Variants in TOGARAM1 observed in about 807,000 individuals in gnomAD.
TOGARAM1 encodes the protein TOG array regulator of axonemal microtubules protein 1.
TOGARAM1 carries 100 observed loss-of-function variants against 166.6 expected under a neutral mutation model. The ratio of observed to expected loss-of-function variants is 0.60; its 90% CI spans 0.51 to 0.71. The LOEUF is 0.71. Ranked by LOEUF, TOGARAM1 falls within the 30% of genes least tolerant of loss-of-function variation. TOGARAM1 has a pLI of 0.00. For synonymous variants in TOGARAM1, 758 were observed against 763.8 expected (o/e 0.99, Z 0.13); for missense variants, 2,029 against 2,102.7 (o/e 0.96, Z 0.69).
Position 45,004,076 on chromosome 14 carries a change from A to T in TOGARAM1, c.2354A>T (p.Asn785Ile). ...TTTATTACAGTGTATGCTAGCCTCA[A>T]TTTTGGCAGTAAGACACAGCAAACA... ...SHQEKVYASL[N>I]FGSKTQQTFG... The change falls in exon 4 of 20, where the codon AAT (asparagine) becomes ATT (isoleucine). Residue 785 changes from asparagine to isoleucine, a missense_variant. Physicochemically the swap from Asn to Ile is moderately radical, Grantham distance 149 (BLOSUM62 -3). Transcript: ENST00000361462. 1 of 1,614,010 alleles carries T rather than the reference A, an allele frequency of 6.2e-7. No individual in the cohort carries two copies. The highest frequency in any genetic ancestry group is 8.5e-7 in the Non-Finnish European group (1 of 1,179,942).
chr14:44,962,429 C>T lies in TOGARAM1; in HGVS notation c.8C>T (p.Ala3Val), dbSNP rs1885198804. The change falls in exon 1 of 20, where the codon GCT (alanine) becomes GTT (valine). Residue 3 changes from alanine to valine, a missense_variant. By Grantham distance (64) the Ala-to-Val change is moderately conservative. Coordinates refer to ENST00000361462, the MANE Select transcript of TOGARAM1 (RefSeq NM_001308120.2). ...ACCACCTGACAACCCTGCATGGCGG[C>T]TGCCCCCTCCGCGCTGCTTCTGCTG... The part of the protein sequence containing the change: MA[A>V]APSALLLLPP... 6.4e-7 allele frequency: 1 copy of T among 1,559,670 alleles called. No individual in the cohort carries two copies. Among genetic ancestry groups the T allele is most frequent in the East Asian group, 2.2e-5 (1 of 44,478 alleles).
chr14:45,062,986 C>T (rs190010708), intron 16 of TOGARAM1, among the ~76,000 whole-genome samples: 64 of 152,236 alleles, frequency 4.2e-4, no homozygotes, highest in Non-Finnish European at 8.8e-4. Context: ...TTCCCTTCCC[C>T]AGCCCTAGGC....
intron 1 of TOGARAM1, among the ~76,000 whole-genome samples, chr14:44,987,694 T>G (rs1420053282): frequency 6.7e-6 from 1 of 150,206 alleles, no homozygotes; most frequent in Non-Finnish European, 1.5e-5. Context: ...GAAGTCAGTG[T>G]GGCGATTCCT....
intron 11 of TOGARAM1, among the ~76,000 whole-genome samples, chr14:45,039,942 TC>T (rs1316201041): frequency 6.6e-6 from 1 of 152,092 alleles, no homozygotes; most frequent in African/African-American, 2.4e-5. Context: ...CAGCAGCCAC[TC>T]CAGAGGGGCT....
chr14:44,962,459 C>G lies in TOGARAM1; in HGVS notation c.38C>G (p.Pro13Arg). ...AAPSALLLLP[P>R]FPVLSTYRLQ... is the part of the protein sequence containing the mutation. ...CCCTCCGCGCTGCTTCTGCTGCCGC[C>G]CTTTCCAGTCCTCTCTACCTATCGG... The change falls in exon 1 of 20, where the codon CCC becomes CGC. Residue 13 changes from proline to arginine, a missense_variant. Coordinates refer to ENST00000361462, the MANE Select transcript of TOGARAM1 (RefSeq NM_001308120.2). 1 of 1,588,460 alleles carries G rather than the reference C, an allele frequency of 6.3e-7. No homozygotes were observed. Among genetic ancestry groups the G allele is most frequent in the Non-Finnish European group, 8.6e-7 (1 of 1,167,596 alleles).
intron 10 of TOGARAM1, 124 bp downstream of exon 10, chr14:45,028,453 C>A: frequency 1.0e-6 from 1 of 975,238 alleles, no homozygotes; most frequent in Non-Finnish European, 1.5e-6. Context: ...CCGAAATTTG[C>A]AAGTTCTGCC....
chr14:45,038,116 G>A (rs946652240), intron 11 of TOGARAM1, among the ~76,000 whole-genome samples: 1 of 152,082 alleles, frequency 6.6e-6, no homozygotes, highest in African/African-American at 2.4e-5. Flanking sequence ...TATGTTACTC[G>A]GGCTGGTTTC....
In TOGARAM1 at chr14:44,964,186, TATGCAGTACTG is replaced by T. The variant is rs1885386002; in HGVS notation, c.1770_1780del (p.Val591IlefsTer6). 6.2e-7 allele frequency: 1 copy of T among 1,614,194 alleles called. No homozygotes were observed. The highest frequency in any genetic ancestry group is 8.5e-7 in the Non-Finnish European group (1 of 1,180,034). On this transcript the variant is annotated frameshift_variant, in exon 1 of 20. Transcript: ENST00000361462. LOFTEE classifies it high-confidence loss of function. The stretch of plus-strand genomic sequence containing the variant: ...GCTCACAGAGCAGGGATTTGTGGAA[TATGCAGTACTG>T]ATGCCATCTTCTGCCGGGGGTAGGT...
intron 10 of TOGARAM1, among the ~76,000 whole-genome samples, chr14:45,031,038 T>G (rs988260604): frequency 6.6e-6 from 1 of 152,180 alleles, no homozygotes; most frequent in Admixed American, 6.5e-5. Flanking sequence ...AACACCTTGT[T>G]GCCTTTGGAT....
intron 1 of TOGARAM1, among the ~76,000 whole-genome samples, chr14:44,994,443 G>C (rs1434164872): frequency 6.6e-6 from 1 of 152,040 alleles, no homozygotes; most frequent in African/African-American, 2.4e-5. Flanking sequence ...TTTTGAGACA[G>C]GGTCTCAGTC....
chr14:45,013,153 T>G (rs1168953504), intron 7 of TOGARAM1, among the ~76,000 whole-genome samples: 1 of 152,218 alleles, frequency 6.6e-6, no homozygotes, highest in Non-Finnish European at 1.5e-5. Flanking sequence ...CAAATGCACA[T>G]ACTGTTTTTT....
chr14:45,042,148 C>T (rs1240880447), intron 11 of TOGARAM1: 2 of 152,360 alleles, frequency 1.3e-5, no homozygotes, highest in East Asian at 3.9e-4. Context: ...CCCTCTAGTT[C>T]ATGCCGTAAT....
intron 7 of TOGARAM1, among the ~76,000 whole-genome samples, chr14:45,015,409 T>C (rs945597892): frequency 4.6e-5 from 7 of 151,416 alleles, no homozygotes; most frequent in African/African-American, 1.7e-4. Flanking sequence ...TGGAAGTATA[T>C]ATAAAAATGG....
At chr14:45,013,754 T>A (rs1332354077) in intron 7 of TOGARAM1, among the ~76,000 whole-genome samples, 1 of 152,138 alleles carries the variant, frequency 6.6e-6, no homozygotes. Flanking sequence ...AACTTATCCT[T>A]AATCCTTTTT....
At chr14:45,039,495 G>C (rs1201568171) in intron 11 of TOGARAM1, among the ~76,000 whole-genome samples, 1 of 152,076 alleles carries the variant, frequency 6.6e-6, no homozygotes, top group Admixed American at 6.5e-5. Flanking sequence ...TGTGCTGAGG[G>C]GTGCCTGCAG....
At chr14:45,031,209 T>C (rs1881136653) in intron 10 of TOGARAM1, among the ~76,000 whole-genome samples, 1 of 152,214 alleles carries the variant, frequency 6.6e-6, no homozygotes, top group South Asian at 2.1e-4. Context: ...AAATATCTCT[T>C]AATATGGAAA....
At chr14:45,052,606 G>T in intron 15 of TOGARAM1, 44 bp downstream of exon 15, 1 of 1,535,160 alleles carries the variant, frequency 6.5e-7, no homozygotes, top group Non-Finnish European at 8.8e-7. Context: ...TATAAGCAAA[G>T]CTTGTTTTTA....
chr14:44,993,228 A>T (rs1887240459), intron 1 of TOGARAM1, among the ~76,000 whole-genome samples: 1 of 152,086 alleles, frequency 6.6e-6, no homozygotes, highest in Admixed American at 6.6e-5. Flanking sequence ...GGTCGGCTGC[A>T]GTGAGCCATG....
Position 44,981,069 on chromosome 14 carries a change from CA to C in TOGARAM1, c.2047-14674del, listed in dbSNP as rs1238580236. Among the ~76,000 whole-genome samples the C allele has an allele frequency of 3.3e-5, 5 of 151,910 alleles. No individual in the cohort carries two copies. In the East Asian group the frequency reaches 7.7e-4, roughly 24 times the overall value. On this transcript the variant is annotated intron_variant, in intron 1 of 19. Coordinates refer to ENST00000361462, the MANE Select transcript of TOGARAM1 (RefSeq NM_001308120.2). ...GAGGGAGGAATAACTAAAATTTGAA[CA>C]AAGTAACTAAACTCATCATAGGTCC...
Sources: gnomAD v4.1 joint callset for allele counts (sites outside exome capture counted in the v4.1 genomes callset) on GRCh38, gnomAD v4.1.1 for gene constraint, MANE v1.5 for transcripts, NCBI Gene and HGNC (gene_info 2026-07-23, HGNC 2026-07-21) for gene names.